CNTN4: variants seen among roughly 807,000 people sequenced by gnomAD.
CNTN4 encodes the protein contactin 4, also known as contactin-4.
Under a neutral mutation model 122.5 loss-of-function variants are expected in CNTN4, and 77 were observed. That is an observed-to-expected ratio of 0.63 (90% CI 0.52 to 0.76). CNTN4 has a LOEUF of 0.76. Ranked by LOEUF, CNTN4 falls within the 30% of genes least tolerant of loss-of-function variation. CNTN4 has a pLI of 0.00. For synonymous variants in CNTN4, 512 were observed against 447.0 expected (o/e 1.15, Z -1.83); for missense variants, 1,256 against 1,259.1 (o/e 1.00, Z 0.04).
intron 3 of CNTN4, among the ~76,000 whole-genome samples, chr3:2,376,915 T>C (rs2045840458): frequency 6.6e-6 from 1 of 152,092 alleles, no homozygotes; most frequent in Admixed American, 6.5e-5. Flanking sequence ...CCCAGCACTT[T>C]GGGAGACTGA....
At chr3:2,726,720 T>C (rs2088252067) in intron 4 of CNTN4, among the ~76,000 whole-genome samples, 1 of 152,182 alleles carries the variant, frequency 6.6e-6, no homozygotes. Flanking sequence ...GTTGTTAGGG[T>C]AGTACACTAC....
At chr3:2,099,755 C>G (rs1458106824) in intron 1 of CNTN4, 5 of 152,294 alleles carry the variant, frequency 3.3e-5, no homozygotes, top group African/African-American at 9.6e-5. Flanking sequence ...GACAACCGCC[C>G]CGTCCCCTCC....
At chr3:2,835,623 A>G (rs2093208252) in intron 7 of CNTN4, among the ~76,000 whole-genome samples, 1 of 152,198 alleles carries the variant, frequency 6.6e-6, no homozygotes, top group African/African-American at 2.4e-5. Context: ...AATTTTTTAA[A>G]AACCGTCCCA....
chr3:2,543,043 C>T (rs948168324), intron 3 of CNTN4, among the ~76,000 whole-genome samples: 2 of 152,134 alleles, frequency 1.3e-5, no homozygotes, highest in African/African-American at 4.8e-5. Flanking sequence ...AGATTGTATA[C>T]ATGGACATGC....
rs545177586 is a variant in CNTN4, at chr3:2,916,769, A to C, written c.1208-8860A>C. On this transcript the variant is annotated intron_variant, in intron 12 of 24. Transcript: ENST00000418658. Reference sequence around the variant, plus strand: ...GCAGAGGGGCTCCTCACTTCCCAGTAGGGGCGGCCGGGCAGAGGGGCCCCC... The same window carrying C: ...GCAGAGGGGCTCCTCACTTCCCAGTCGGGGCGGCCGGGCAGAGGGGCCCCC... Among the ~76,000 whole-genome samples the C allele has an allele frequency of 5.2e-3, 742 of 141,458 alleles. 28 individuals are homozygous for C. The highest frequency in any genetic ancestry group is 0.021 in the African/African-American group (690 of 33,222). 92.8% of individuals were successfully genotyped at this position (141,458 alleles called of 152,430 possible).
At chr3:2,953,097 CAT>C (rs2124879128) in intron 13 of CNTN4, among the ~76,000 whole-genome samples, 1 of 152,294 alleles carries the variant, frequency 6.6e-6, no homozygotes, top group South Asian at 2.1e-4. Flanking sequence ...TTCAAAACGA[CAT>C]AAACTGTGTC....
At position 2,592,779 on chromosome 3, in the gene CNTN4, C is replaced by A. The variant is rs78984262; in HGVS notation, c.55+21221C>A. On this transcript the variant is annotated intron_variant, in intron 4 of 24. Coordinates refer to ENST00000418658, the MANE Select transcript of CNTN4 (RefSeq NM_175607.3). ...AACTGACAAATACAGTTAGTTTAAC[C>A]ACTCTCTGGAGTGTTCTATTCATGG... Among the ~76,000 whole-genome samples, 1,519 of 152,308 alleles carry A rather than the reference C, an allele frequency of 1.0e-2. 18 individuals are homozygous for A. Among genetic ancestry groups the A allele is most frequent in the African/African-American group, 0.035 (1,445 of 41,546 alleles).
intron 2 of CNTN4, among the ~76,000 whole-genome samples, chr3:2,322,259 A>T (rs907023145): frequency 6.6e-6 from 1 of 152,222 alleles, no homozygotes; most frequent in African/African-American, 2.4e-5. Context: ...CAGCAGCATT[A>T]CTTAAAATAG....
intron 2 of CNTN4, among the ~76,000 whole-genome samples, chr3:2,338,376 T>C (rs1231335702): frequency 6.6e-6 from 1 of 152,034 alleles, no homozygotes; most frequent in African/African-American, 2.4e-5. Context: ...AATTATGTTA[T>C]ATTTAAGAAT....
intron 6 of CNTN4, among the ~76,000 whole-genome samples, chr3:2,812,572 G>GT (rs1284153129): frequency 4.9e-5 from 5 of 102,468 alleles, no homozygotes; most frequent in African/African-American, 1.3e-4. Context: ...GTTTTGTTTT[G>GT]TTTTTTTGTT....
At chr3:2,340,708 T>TAGAGAGAGAGAGAGAGAGAGAGGGGGAG (rs1414538595) in intron 3 of CNTN4, among the ~76,000 whole-genome samples, 3 of 25,370 alleles carry the variant, frequency 1.2e-4, no homozygotes, top group Non-Finnish European at 2.1e-4. Flanking sequence ...TATATATATA[T>TAGAGAGAGAGAGAGAGAGAGAGGGGGAG]ATAGAGAGAG....
chr3:3,021,812 G>T (rs900460946), intron 14 of CNTN4, among the ~76,000 whole-genome samples: 1 of 152,214 alleles, frequency 6.6e-6, no homozygotes, highest in African/African-American at 2.4e-5. Flanking sequence ...AGGTATGGCG[G>T]CTCACGCCTG....
intron 2 of CNTN4, among the ~76,000 whole-genome samples, chr3:2,188,070 A>G (rs746174403): frequency 1.3e-5 from 2 of 152,140 alleles, no homozygotes; most frequent in Non-Finnish European, 2.9e-5. Context: ...GGAAGGATCA[A>G]GGAGGCTTTC....
intron 3 of CNTN4, among the ~76,000 whole-genome samples, chr3:2,349,181 C>T (rs1438199176): frequency 1.3e-5 from 2 of 151,878 alleles, no homozygotes; most frequent in Non-Finnish European, 2.9e-5. Flanking sequence ...GAAATGAATG[C>T]AATTATGTTT....
chr3:2,344,402 C>T (rs776150407), intron 3 of CNTN4, among the ~76,000 whole-genome samples: 25 of 151,894 alleles, frequency 1.6e-4, no homozygotes, highest in Non-Finnish European at 2.9e-4. Flanking sequence ...GCCCCAGCCT[C>T]GTGAATAGCT....
intron 2 of CNTN4, among the ~76,000 whole-genome samples, chr3:2,186,060 T>C (rs890326460): frequency 8.5e-5 from 13 of 152,096 alleles, no homozygotes; most frequent in Non-Finnish European, 1.8e-4. Context: ...AGGTATGTCT[T>C]CTAATGCTAT....
chr3:2,668,119 T>G (rs925845060), intron 4 of CNTN4, among the ~76,000 whole-genome samples: 2 of 152,184 alleles, frequency 1.3e-5, no homozygotes, highest in South Asian at 2.1e-4. Context: ...TTTTTTCCAA[T>G]TCTGTGAAGA....
chr3:2,201,752 T>C (rs957714488), intron 2 of CNTN4, among the ~76,000 whole-genome samples: 3 of 152,162 alleles, frequency 2.0e-5, no homozygotes, highest in African/African-American at 7.2e-5. Context: ...AAGGATATTT[T>C]TTTAAATTTT....
At chr3:2,516,662 G>A (rs1393958114) in intron 3 of CNTN4, among the ~76,000 whole-genome samples, 5 of 152,008 alleles carry the variant, frequency 3.3e-5, no homozygotes, top group African/African-American at 1.2e-4. Flanking sequence ...CTGCATTTTT[G>A]CATGAAATTT....
Sources: allele counts gnomAD v4.1 joint callset (sites outside exome capture counted in the v4.1 genomes callset), GRCh38; gene constraint gnomAD v4.1.1; transcripts MANE v1.5; gene names NCBI Gene and HGNC (gene_info 2026-07-23, HGNC 2026-07-21).